Variants in SLC24A2 observed in about 807,000 individuals in gnomAD.
SLC24A2 encodes the protein sodium/potassium/calcium exchanger 2.
A neutral mutation model predicts 62.0 loss-of-function variants in SLC24A2; 36 were observed. That is an observed-to-expected ratio of 0.58 (90% CI 0.44 to 0.77). The LOEUF is 0.77. Ranked by LOEUF, SLC24A2 falls within the 30% of genes least tolerant of loss-of-function variation. The probability of loss-of-function intolerance (pLI) is 0.00; values close to 1 mark genes in which losing one functional copy is unlikely to be tolerated. For missense variants in SLC24A2, 846 were observed against 817.9 expected (o/e 1.03, Z -0.42); for synonymous variants, 358 against 294.0 (o/e 1.22, Z -2.23).
At chr9:19,623,867 T>C (rs1333346093) in intron 2 of SLC24A2, among the ~76,000 whole-genome samples, 1 of 152,194 alleles carries the variant, frequency 6.6e-6, no homozygotes, top group Non-Finnish European at 1.5e-5. Context: ...GGGTTCTGCG[T>C]TGGTGGTAAT....
At chr9:19,532,970 C>G (rs1260346211) in intron 8 of SLC24A2, among the ~76,000 whole-genome samples, 1 of 152,082 alleles carries the variant, frequency 6.6e-6, no homozygotes, top group African/African-American at 2.4e-5. Context: ...AGACTTGGTC[C>G]TCATTGAAGT....
chr9:19,781,305 A>G lies in SLC24A2; in HGVS notation c.930+4632T>C, dbSNP rs117422920. On this transcript the variant is annotated intron_variant, in intron 2 of 10. Transcript: ENST00000341998. ...ATACAAATTATCTAGTTCTAACAAA[A>G]AAGAGGGGAAGGGGACAAAAGGAGG... Among the ~76,000 whole-genome samples, 243 of 152,298 alleles carry G rather than the reference A, an allele frequency of 1.6e-3. 2 individuals are homozygous for G. Among genetic ancestry groups the G allele is most frequent in the Non-Finnish European group, 2.9e-3 (197 of 68,018 alleles).
chr9:19,910,202 T>G, the SLC24A2 span, among the ~76,000 whole-genome samples: 1 of 152,234 alleles, frequency 6.6e-6, no homozygotes, highest in South Asian at 2.1e-4. Flanking sequence ...TCTTCTTAAA[T>G]TAGTGCCATC....
chr9:19,516,545 G>C (rs567237339), intron 10 of SLC24A2, 143 bp from the exon 11 acceptor site: 4 of 1,026,488 alleles, frequency 3.9e-6, no homozygotes, highest in African/African-American at 3.2e-5. Flanking sequence ...ACTATGACTC[G>C]GGCATGGTTG....
chr9:20,138,676 C>A, the SLC24A2 span, among the ~76,000 whole-genome samples: 1 of 152,164 alleles, frequency 6.6e-6, no homozygotes, highest in Non-Finnish European at 1.5e-5. Flanking sequence ...AATCTCCTTG[C>A]TCATGTAGGA....
At chr9:19,710,622 T>G (rs1245802931) in intron 2 of SLC24A2, among the ~76,000 whole-genome samples, 1 of 151,916 alleles carries the variant, frequency 6.6e-6, no homozygotes, top group Non-Finnish European at 1.5e-5. Flanking sequence ...GTGGGGGCAG[T>G]AGAAAGAAGG....
At chr9:20,192,458 T>C in the SLC24A2 span, among the ~76,000 whole-genome samples, 1 of 152,096 alleles carries the variant, frequency 6.6e-6, no homozygotes, top group Non-Finnish European at 1.5e-5. Context: ...GTCAGATACA[T>C]CTTGTAGAGG....
At chr9:19,540,672 C>T (rs1422199125) in intron 8 of SLC24A2, among the ~76,000 whole-genome samples, 1 of 145,382 alleles carries the variant, frequency 6.9e-6, no homozygotes, top group East Asian at 2.0e-4. Flanking sequence ...GTGAATCTGA[C>T]AATTATGTGT....
rs768881798 is a variant in SLC24A2, at chr9:19,636,281, C to CTTTTCTTTTCTTTTCTT, written c.931-13983_931-13982insAAGAAAAGAAAAGAAAA. On this transcript the variant is annotated intron_variant, in intron 2 of 10. Coordinates refer to ENST00000341998, the MANE Select transcript of SLC24A2 (RefSeq NM_020344.4). The stretch of plus-strand genomic sequence containing the variant: ...TTTTCTTTTCTTCTCTTCTTCTCTT[C>CTTTTCTTTTCTTTTCTT]TTCTCTTCTTTTCTTTTCTTTTCTT... Among the ~76,000 whole-genome samples the CTTTTCTTTTCTTTTCTT allele has an allele frequency of 2.9e-3, 214 of 74,146 alleles. 23 individuals carry two copies. The highest frequency in any genetic ancestry group is 4.2e-3 in the Non-Finnish European group (149 of 35,608). The allele number at this position is 74,146 out of a possible 152,430, so 48.6% of individuals were successfully genotyped here.
chr9:20,079,608 T>C, the SLC24A2 span, among the ~76,000 whole-genome samples: 1 of 152,218 alleles, frequency 6.6e-6, no homozygotes, highest in Non-Finnish European at 1.5e-5. Flanking sequence ...AATGGAACAA[T>C]GACAGCAGTA....
chr9:19,883,787 G>A, the SLC24A2 span, among the ~76,000 whole-genome samples: 6 of 152,154 alleles, frequency 3.9e-5, no homozygotes, highest in East Asian at 5.8e-4. Flanking sequence ...GGATGGTCTT[G>A]ATCTCCTGAC....
chr9:19,523,576 C>T (rs1429822516), intron 9 of SLC24A2, among the ~76,000 whole-genome samples: 1 of 152,104 alleles, frequency 6.6e-6, no homozygotes, highest in Non-Finnish European at 1.5e-5. Context: ...GATTCTCCTG[C>T]CTCAGCCTCC....
chr9:19,674,447 C>T (rs1389765689), intron 2 of SLC24A2, among the ~76,000 whole-genome samples: 1 of 152,136 alleles, frequency 6.6e-6, no homozygotes, highest in Non-Finnish European at 1.5e-5. Flanking sequence ...CTTGATTATC[C>T]CCTCAAATAT....
intron 3 of SLC24A2, among the ~76,000 whole-genome samples, chr9:19,620,918 C>A (rs1446733573): frequency 2.0e-5 from 3 of 152,204 alleles, no homozygotes; most frequent in African/African-American, 7.2e-5. Context: ...CATCATACTC[C>A]AGACCCACAA....
chr9:20,115,205 T>G, the SLC24A2 span, among the ~76,000 whole-genome samples: 1 of 152,278 alleles, frequency 6.6e-6, no homozygotes, highest in East Asian at 1.9e-4. Context: ...TATCTTATCA[T>G]GCAGATAAAG....
intron 2 of SLC24A2, among the ~76,000 whole-genome samples, chr9:19,720,712 C>T (rs1160241971): frequency 7.7e-6 from 1 of 129,542 alleles, no homozygotes; most frequent in African/African-American, 2.8e-5. Context: ...AAAAAAATCA[C>T]CTTGATGTGG....
intron 5 of SLC24A2, among the ~76,000 whole-genome samples, chr9:19,589,131 C>G (rs529686925): frequency 2.1e-4 from 32 of 152,184 alleles, no homozygotes; most frequent in Non-Finnish European, 3.7e-4. Context: ...TATATGTCTT[C>G]TACTCAGTAG....
chr9:19,938,338 G>A, the SLC24A2 span, among the ~76,000 whole-genome samples: 1 of 152,100 alleles, frequency 6.6e-6, no homozygotes, highest in Non-Finnish European at 1.5e-5. Context: ...AGAAAAGTCT[G>A]AGAAAACTGA....
intron 5 of SLC24A2, among the ~76,000 whole-genome samples, chr9:19,586,289 C>T (rs962125886): frequency 3.9e-5 from 6 of 152,182 alleles, no homozygotes; most frequent in African/African-American, 1.4e-4. Flanking sequence ...TGTTCTCCAT[C>T]TGTGCCCTCA....
Sources: gnomAD v4.1 joint callset for allele counts (sites outside exome capture counted in the v4.1 genomes callset) on GRCh38, gnomAD v4.1.1 for gene constraint, MANE v1.5 for transcripts, NCBI Gene and HGNC (gene_info 2026-07-23, HGNC 2026-07-21) for gene names.